NCOA1: variants seen among roughly 807,000 people sequenced by gnomAD.
The protein encoded by NCOA1 is Hin-2 protein.
NCOA1 carries 35 observed loss-of-function variants against 150.9 expected under a neutral mutation model. The ratio of observed to expected loss-of-function variants is 0.23; its 90% CI spans 0.18 to 0.31. The LOEUF is 0.31. Ranked by LOEUF, NCOA1 falls within the 10% of genes least tolerant of loss-of-function variation. The probability of loss-of-function intolerance (pLI) is 1.00; values close to 1 mark genes in which losing one functional copy is unlikely to be tolerated. For missense variants in NCOA1, 1,491 were observed against 1,749.3 expected (o/e 0.85, Z 2.63); for synonymous variants, 590 against 630.0 (o/e 0.94, Z 0.95).
chr2:24,617,522 A>T (rs761605308), intron 3 of NCOA1, among the ~76,000 whole-genome samples: 27 of 152,082 alleles, frequency 1.8e-4, no homozygotes, highest in Non-Finnish European at 2.6e-4. Flanking sequence ...ACTATCATTA[A>T]TGTGTTAGTG....
At chr2:24,496,996 G>C (rs78284207) in intron 1 of NCOA1, among the ~76,000 whole-genome samples, 98 of 152,270 alleles carry the variant, frequency 6.4e-4, no homozygotes, top group African/African-American at 2.2e-3. Context: ...AAAAACGTCT[G>C]CTTTTCTTGT....
At chr2:24,665,985 TTTA>T (rs142101398) in intron 6 of NCOA1, 70 bp downstream of exon 6, 50,132 of 790,032 alleles carry the variant, frequency 0.063, 2,451 homozygotes, top group East Asian at 0.16. Flanking sequence ...GTGATTTTAC[TTTA>T]TTATTATTAT....
At chr2:24,556,822 A>AT (rs769150350) in intron 1 of NCOA1, among the ~76,000 whole-genome samples, 14 of 152,084 alleles carry the variant, frequency 9.2e-5, no homozygotes, top group Admixed American at 1.3e-4. Context: ...CAGTGTGGCG[A>AT]TTCCCCAAAG....
At chr2:24,672,131 AT>A (rs1201356532) in intron 6 of NCOA1, among the ~76,000 whole-genome samples, 1 of 57,170 alleles carries the variant, frequency 1.7e-5, no homozygotes, top group African/African-American at 3.6e-5. Flanking sequence ...ATGTTTATAT[AT>A]ATAACAATAT....
chr2:24,546,211 A>C (rs1294945522), intron 1 of NCOA1, among the ~76,000 whole-genome samples: 1 of 152,176 alleles, frequency 6.6e-6, no homozygotes, highest in Non-Finnish European at 1.5e-5. Flanking sequence ...TCTCTTAAAA[A>C]AAAAAAAAAG....
chr2:24,500,823 A>G (rs1469356522), intron 1 of NCOA1, among the ~76,000 whole-genome samples: 2 of 152,250 alleles, frequency 1.3e-5, no homozygotes, highest in Admixed American at 6.5e-5. Context: ...CTTAACAGTG[A>G]TTCAAAAAGT....
At chr2:24,575,604 C>T (rs1305155934) in intron 2 of NCOA1, among the ~76,000 whole-genome samples, 6 of 142,446 alleles carry the variant, frequency 4.2e-5, no homozygotes, top group East Asian at 2.1e-4. Flanking sequence ...GACAGAGTCT[C>T]GCTCTGTCAC....
intron 2 of NCOA1, among the ~76,000 whole-genome samples, chr2:24,573,118 G>A (rs923192496): frequency 2.0e-5 from 3 of 152,040 alleles, no homozygotes; most frequent in Non-Finnish European, 4.4e-5. Flanking sequence ...TTATTGCTTT[G>A]AAGATGATCT....
chr2:24,664,117 G>A (rs1424554346), intron 5 of NCOA1, among the ~76,000 whole-genome samples: 3 of 152,170 alleles, frequency 2.0e-5, no homozygotes, highest in African/African-American at 4.8e-5. Context: ...AACCTTGTAT[G>A]TATCAAAATG....
At chr2:24,570,134 C>G (rs897445539) in intron 2 of NCOA1, among the ~76,000 whole-genome samples, 8 of 148,610 alleles carry the variant, frequency 5.4e-5, no homozygotes, top group Non-Finnish European at 1.2e-4. Flanking sequence ...ATTTCTGGGT[C>G]CACGTTCAAT....
intron 3 of NCOA1, among the ~76,000 whole-genome samples, chr2:24,641,666 A>G (rs1412904662): frequency 1.3e-5 from 2 of 152,176 alleles, no homozygotes; most frequent in African/African-American, 4.8e-5. Flanking sequence ...CAGCATTTTA[A>G]TGGAAGAAAT....
At chr2:24,559,892 T>C (rs1572419318) in intron 1 of NCOA1, among the ~76,000 whole-genome samples, 2 of 152,200 alleles carry the variant, frequency 1.3e-5, no homozygotes, top group Non-Finnish European at 2.9e-5. Flanking sequence ...TTTGCTTCCA[T>C]TCTGCCCTGA....
At chr2:24,759,268 G>A (rs1664656618) in intron 21 of NCOA1, among the ~76,000 whole-genome samples, 1 of 152,094 alleles carries the variant, frequency 6.6e-6, no homozygotes. Context: ...GTTGACTACT[G>A]AGGGCTTAAA....
At chr2:24,609,305 A>G (rs141591377) in intron 3 of NCOA1, among the ~76,000 whole-genome samples, 2 of 152,264 alleles carry the variant, frequency 1.3e-5, no homozygotes, top group African/African-American at 4.8e-5. Context: ...TTTTAATTGA[A>G]TTTACTGGTT....
chr2:24,733,781 A>C, intron 17 of NCOA1, among the ~76,000 whole-genome samples: 1 of 152,282 alleles, frequency 6.6e-6, no homozygotes, highest in East Asian at 1.9e-4. Flanking sequence ...CAGAAAATCC[A>C]AAAGAATCTA....
At chr2:24,543,027 T>A (rs1572400786) in intron 1 of NCOA1, among the ~76,000 whole-genome samples, 1 of 152,298 alleles carries the variant, frequency 6.6e-6, no homozygotes, top group South Asian at 2.1e-4. Flanking sequence ...ACAAACAGGG[T>A]TGTCTTATTC....
chr2:24,704,178 TAAA>T (rs558818169), intron 11 of NCOA1, among the ~76,000 whole-genome samples: 1 of 152,306 alleles, frequency 6.6e-6, no homozygotes, highest in South Asian at 2.1e-4. Context: ...ATTCAAACAT[TAAA>T]AATAGTACAC....
intron 14 of NCOA1, among the ~76,000 whole-genome samples, chr2:24,724,586 A>G (rs577486824): frequency 3.3e-5 from 5 of 152,266 alleles, no homozygotes; most frequent in South Asian, 4.1e-4. Flanking sequence ...AACTCAGCAT[A>G]TGAATCTTAT....
chr2:24,749,140 A>C (rs1261702943), intron 19 of NCOA1, among the ~76,000 whole-genome samples: 2 of 152,242 alleles, frequency 1.3e-5, no homozygotes, highest in Non-Finnish European at 2.9e-5. Context: ...GTAGAGTAAG[A>C]GGGACCAGAG....
Sources: allele counts gnomAD v4.1 joint callset (sites outside exome capture counted in the v4.1 genomes callset), GRCh38; gene constraint gnomAD v4.1.1; transcripts MANE v1.5; gene names NCBI Gene and HGNC (gene_info 2026-07-23, HGNC 2026-07-21).